The following PARVA variants were observed in gnomAD, a reference collection of about 807,000 sequenced individuals.
PARVA encodes parvin alpha.
PARVA carries 25 observed loss-of-function variants against 52.6 expected under a neutral mutation model. The ratio of observed to expected loss-of-function variants is 0.48; its 90% CI spans 0.35 to 0.66. The LOEUF is 0.66. Ranked by LOEUF, PARVA falls within the 30% of genes least tolerant of loss-of-function variation. The pLI, the probability that PARVA is intolerant of heterozygous loss-of-function variation, is 0.01. For missense variants in PARVA, 373 were observed against 450.9 expected, an observed-to-expected ratio of 0.83 and a Z score of 1.56; for synonymous variants, 185 against 179.1, an observed-to-expected ratio of 1.03 and a Z score of -0.26.
At chr11:12,492,084 G>A (rs973721163) in intron 4 of PARVA, among the ~76,000 whole-genome samples, 1 of 152,138 alleles carries the variant, frequency 6.6e-6, no homozygotes, top group African/African-American at 2.4e-5. Context: ...CTTGAAGGGT[G>A]GTTACGTTAA....
intron 1 of PARVA, among the ~76,000 whole-genome samples, chr11:12,434,241 CGAG>C (rs1414222569): frequency 1.3e-5 from 2 of 152,106 alleles, no homozygotes; most frequent in East Asian, 3.9e-4. Flanking sequence ...ATACTGACAC[CGAG>C]GAGTTTTGCA....
At position 12,474,001 on chromosome 11, in the gene PARVA, G is replaced by A. The variant is rs1265565280; in HGVS notation, c.297+18G>A. On this transcript the variant is annotated intron_variant, in intron 3 of 12. Coordinates refer to ENST00000334956, the MANE Select transcript of PARVA (RefSeq NM_018222.5). ...TGATGAAGGTAAGAAGAAATCAGGA[G>A]CGGCTTCAGGTGCCTCACTGACCCA... is the stretch of plus-strand genomic sequence containing the variant. 1 of 1,557,858 alleles carries A rather than the reference G, an allele frequency of 6.4e-7. No homozygotes were observed. The highest frequency in any genetic ancestry group is 1.2e-5 in the South Asian group (1 of 84,356).
intron 1 of PARVA, among the ~76,000 whole-genome samples, chr11:12,472,249 T>C (rs983823737): frequency 1.3e-5 from 2 of 152,194 alleles, no homozygotes; most frequent in Admixed American, 1.3e-4. Flanking sequence ...GATAATGTCA[T>C]AATGTTTTAA....
At chr11:12,376,806 C>T (rs961006547), upstream of PARVA, 2 of 727,258 alleles carry the variant, frequency 2.8e-6, no homozygotes, top group Non-Finnish European at 3.4e-6. Flanking sequence ...TTGTATGACT[C>T]CCCTGTTATC....
At chr11:12,501,693 A>G (rs772997263) in intron 5 of PARVA, among the ~76,000 whole-genome samples, 4 of 152,220 alleles carry the variant, frequency 2.6e-5, no homozygotes, top group Non-Finnish European at 5.9e-5. Context: ...ATCATAGTAT[A>G]TTACACAGTA....
At chr11:12,384,794 G>A (rs1939547294) in intron 1 of PARVA, among the ~76,000 whole-genome samples, 1 of 152,158 alleles carries the variant, frequency 6.6e-6, no homozygotes, top group African/African-American at 2.4e-5. Flanking sequence ...GAGTGAGCAT[G>A]ATTGTGGAAC....
chr11:12,495,619 T>TC (rs1941289021), intron 4 of PARVA, among the ~76,000 whole-genome samples: 2 of 105,088 alleles, frequency 1.9e-5, no homozygotes, highest in Admixed American at 1.4e-4. Context: ...ACTGAGTTTT[T>TC]CCTTTTTTTT....
At chr11:12,517,751 A>T in intron 11 of PARVA, 40 bp downstream of exon 11, 1 of 1,385,928 alleles carries the variant, frequency 7.2e-7, no homozygotes, top group Non-Finnish European at 1.0e-6. Context: ...CCTAGCCCAC[A>T]TCCCCTGACT....
chr11:12,419,080 A>AT (rs962308729), intron 1 of PARVA, among the ~76,000 whole-genome samples: 20 of 152,302 alleles, frequency 1.3e-4, no homozygotes, highest in Admixed American at 3.3e-4. Context: ...CTTTTTTAAA[A>AT]TTTTTTGGTT....
intron 1 of PARVA, among the ~76,000 whole-genome samples, chr11:12,435,315 T>TGG (rs1940371935): frequency 1.3e-5 from 2 of 152,146 alleles, no homozygotes; most frequent in African/African-American, 2.4e-5. Context: ...CCCATCCTTT[T>TGG]CCCCTTCTCC....
chr11:12,471,697 T>G (rs1392904141), intron 1 of PARVA, among the ~76,000 whole-genome samples: 1 of 152,236 alleles, frequency 6.6e-6, no homozygotes, highest in East Asian at 1.9e-4. Context: ...CTGTCTGGTG[T>G]TGTAGGTACC....
intron 1 of PARVA, among the ~76,000 whole-genome samples, chr11:12,435,489 G>A (rs935381420): frequency 3.9e-5 from 6 of 152,192 alleles, no homozygotes; most frequent in African/African-American, 9.7e-5. Flanking sequence ...TCCCAGGACC[G>A]AAGAGTTCTT....
intron 1 of PARVA, among the ~76,000 whole-genome samples, chr11:12,394,919 C>A (rs953107190): frequency 6.6e-6 from 1 of 151,914 alleles, no homozygotes; most frequent in African/African-American, 2.4e-5. Context: ...TGGTGAAACC[C>A]CATCTCTACT....
intron 1 of PARVA, among the ~76,000 whole-genome samples, chr11:12,384,710 C>G (rs1206753979): frequency 6.6e-6 from 1 of 152,082 alleles, no homozygotes; most frequent in Non-Finnish European, 1.5e-5. Flanking sequence ...ATGACAGATG[C>G]AAAGACCTTG....
At chr11:12,451,706 G>A (rs916286247) in intron 1 of PARVA, among the ~76,000 whole-genome samples, 1 of 152,108 alleles carries the variant, frequency 6.6e-6, no homozygotes, top group African/African-American at 2.4e-5. Context: ...TAGGCAGTAG[G>A]TATGATAAAT....
intron 1 of PARVA, among the ~76,000 whole-genome samples, chr11:12,467,878 T>C (rs1940875653): frequency 6.6e-6 from 1 of 152,166 alleles, no homozygotes; most frequent in Admixed American, 6.5e-5. Flanking sequence ...ACCCTAACAC[T>C]CTGGAACCCC....
intron 4 of PARVA, among the ~76,000 whole-genome samples, chr11:12,494,300 C>T (rs542671506): frequency 1.3e-5 from 2 of 152,268 alleles, no homozygotes; most frequent in South Asian, 2.1e-4. Context: ...GATAGTTGAC[C>T]TCCAGCTTCC....
At chr11:12,442,968 T>G (rs1314180724) in intron 1 of PARVA, among the ~76,000 whole-genome samples, 1 of 151,308 alleles carries the variant, frequency 6.6e-6, no homozygotes, top group Non-Finnish European at 1.5e-5. Flanking sequence ...TTCACGCCAT[T>G]CTCCTGCCTC....
Position 12,509,408 on chromosome 11 carries a change from T to C in PARVA, c.716+766T>C, listed in dbSNP as rs74595993. 4.6e-3 allele frequency among the ~76,000 whole-genome samples: 701 copies of C among 152,198 alleles called. 5 individuals carry two copies. The highest frequency in any genetic ancestry group is 0.016 in the African/African-American group (669 of 41,482). On this transcript the variant is annotated intron_variant, in intron 7 of 12. Transcript: ENST00000334956. ...AGTCCCTTAACCTCTCTGACCTCAG[T>C]TGCCCCACCCAGAGAGGTAGGAAAG...
Sources: allele counts gnomAD v4.1 joint callset (sites outside exome capture counted in the v4.1 genomes callset), GRCh38; gene constraint gnomAD v4.1.1; transcripts MANE v1.5; gene names NCBI Gene and HGNC (gene_info 2026-07-23, HGNC 2026-07-21).